The following C8orf34 variants were observed in gnomAD, a reference collection of about 807,000 sequenced individuals.
C8orf34 encodes the protein chromosome 8 open reading frame 34, also known as uncharacterized protein C8orf34.
A neutral mutation model predicts 68.3 loss-of-function variants in C8orf34; 65 were observed. The ratio of observed to expected loss-of-function variants is 0.95; its 90% CI spans 0.78 to 1.17. C8orf34 has a LOEUF of 1.17. Ranked by LOEUF, C8orf34 falls within the 50% of genes most tolerant of loss-of-function variation. The pLI is 0.00. For missense variants in C8orf34, 664 were observed against 655.4 expected, an observed-to-expected ratio of 1.01 and a Z score of -0.14; for synonymous variants, 244 against 241.2, an observed-to-expected ratio of 1.01 and a Z score of -0.11.
At chr8:68,816,351 T>C (rs1034955698) in intron 13 of C8orf34, among the ~76,000 whole-genome samples, 5 of 152,144 alleles carry the variant, frequency 3.3e-5, no homozygotes, top group Non-Finnish European at 5.9e-5. Context: ...CCTGCAGTTA[T>C]AGGATCTCAG....
intron 8 of C8orf34, among the ~76,000 whole-genome samples, chr8:68,689,023 G>T (rs1157783359): frequency 6.6e-6 from 1 of 151,876 alleles, no homozygotes; most frequent in Non-Finnish European, 1.5e-5. Flanking sequence ...CAACAAAAAA[G>T]AAAATGTGGT....
chr8:68,741,825 A>T (rs966236826), intron 10 of C8orf34, among the ~76,000 whole-genome samples: 5 of 152,226 alleles, frequency 3.3e-5, no homozygotes, highest in Non-Finnish European at 4.4e-5. Flanking sequence ...ATAGATGAAT[A>T]GTACTCCATT....
chr8:68,566,284 T>C (rs1389169627), intron 7 of C8orf34, among the ~76,000 whole-genome samples: 2 of 152,136 alleles, frequency 1.3e-5, no homozygotes, highest in Non-Finnish European at 2.9e-5. Flanking sequence ...TACCCAGTAG[T>C]TGTCTTTTCT....
Position 68,697,795 on chromosome 8 carries a change from G to A in C8orf34, c.1242-11199G>A, listed in dbSNP as rs373037874. ...ACTGCTCCAGATTAGGGGAACTTTC[G>A]TCCAATTTAGGAAAGTGATCCCTGC... On this transcript the variant is annotated intron_variant, in intron 8 of 13. Transcript: ENST00000518698. Among the ~76,000 whole-genome samples the A allele has an allele frequency of 2.0e-4, 30 of 152,158 alleles. No homozygotes were observed. The East Asian group carries it at 3.1e-3, about 16-fold the overall frequency.
intron 1 of C8orf34, among the ~76,000 whole-genome samples, chr8:68,353,231 A>C (rs1806590190): frequency 6.6e-6 from 1 of 152,132 alleles, no homozygotes; most frequent in East Asian, 1.9e-4. Context: ...AGGGACAGAA[A>C]ATGTGGCCTT....
intron 7 of C8orf34, among the ~76,000 whole-genome samples, chr8:68,629,206 A>G (rs1035679227): frequency 5.3e-5 from 8 of 151,968 alleles, no homozygotes; most frequent in Non-Finnish European, 8.8e-5. Context: ...TCCATTCCAA[A>G]CTCCTTCACT....
intron 12 of C8orf34, chr8:68,791,148 T>A (rs1281299404): frequency 4.7e-6 from 2 of 424,834 alleles, no homozygotes; most frequent in Non-Finnish European, 8.2e-6. Flanking sequence ...ACTGGGTAAT[T>A]GTAAAGAAAA....
chr8:68,399,592 G>A (rs1471476276), intron 1 of C8orf34, among the ~76,000 whole-genome samples: 1 of 151,946 alleles, frequency 6.6e-6, no homozygotes, highest in Non-Finnish European at 1.5e-5. Flanking sequence ...TTATATTTTT[G>A]CTATTGTGAA....
At chr8:68,773,171 G>A (rs1267042628) in intron 10 of C8orf34, among the ~76,000 whole-genome samples, 3 of 152,116 alleles carry the variant, frequency 2.0e-5, no homozygotes, top group Admixed American at 6.5e-5. Flanking sequence ...CCCAGTGAGA[G>A]GGAGGAGGGA....
rs181548364 is a variant in C8orf34, at chr8:68,463,828, T to C, written c.608-4864T>C. On this transcript the variant is annotated intron_variant, in intron 3 of 13. Coordinates refer to ENST00000518698, the MANE Select transcript of C8orf34 (RefSeq NM_052958.4). ...GAGCTATTTATGACAAACCCACAGCTGATATCATACTGAATGGGCAAAAAC... is the reference window on the plus strand; with the variant it reads ...GAGCTATTTATGACAAACCCACAGCCGATATCATACTGAATGGGCAAAAAC... Among the ~76,000 whole-genome samples, 342 of 152,218 alleles carry C rather than the reference T, an allele frequency of 2.2e-3. 2 individuals are homozygous for C. The highest frequency in any genetic ancestry group is 7.2e-3 in the African/African-American group (300 of 41,528).
intron 8 of C8orf34, among the ~76,000 whole-genome samples, chr8:68,645,172 G>C (rs1819127662): frequency 6.6e-6 from 1 of 152,114 alleles, no homozygotes; most frequent in African/African-American, 2.4e-5. Flanking sequence ...AAATTACCTG[G>C]TATGTCATTT....
intron 12 of C8orf34, among the ~76,000 whole-genome samples, chr8:68,814,708 T>G (rs907591570): frequency 6.6e-6 from 1 of 152,208 alleles, no homozygotes; most frequent in Non-Finnish European, 1.5e-5. Context: ...AAGATAAGAT[T>G]TAAACTCAGT....
chr8:68,433,306 T>G (rs1239398783), intron 1 of C8orf34, among the ~76,000 whole-genome samples: 1 of 152,196 alleles, frequency 6.6e-6, no homozygotes, highest in African/African-American at 2.4e-5. Flanking sequence ...TAACATGCCA[T>G]ATGCTATTAA....
chr8:68,560,928 C>A (rs1420014491), intron 7 of C8orf34, among the ~76,000 whole-genome samples: 1 of 151,656 alleles, frequency 6.6e-6, no homozygotes, highest in African/African-American at 2.4e-5. Context: ...AATAAATTAA[C>A]CTTAGCTTAC....
chr8:68,362,937 A>G (rs1807074216), intron 1 of C8orf34, among the ~76,000 whole-genome samples: 1 of 126,590 alleles, frequency 7.9e-6, no homozygotes. Flanking sequence ...CAGACGATCA[A>G]ATTACTCTGA....
At chr8:68,766,181 A>ATTTT (rs1468628499) in intron 10 of C8orf34, among the ~76,000 whole-genome samples, 1 of 152,244 alleles carries the variant, frequency 6.6e-6, no homozygotes. Flanking sequence ...AGCCAAAAAC[A>ATTTT]TGAGAGACGT....
At chr8:68,613,443 T>TCCCCCCCCCCCCCCCCC (rs141908753) in intron 7 of C8orf34, among the ~76,000 whole-genome samples, 1 of 130,142 alleles carries the variant, frequency 7.7e-6, no homozygotes, top group African/African-American at 2.9e-5. Flanking sequence ...TCCCTCCCCC[T>TCCCCCCCCCCCCCCCCC]CCCCCCACAC....
chr8:68,654,591 A>T (rs890655801), intron 8 of C8orf34, among the ~76,000 whole-genome samples: 5 of 152,202 alleles, frequency 3.3e-5, no homozygotes, highest in African/African-American at 1.2e-4. Context: ...ACCTACAAAT[A>T]CATCGTATAT....
chr8:68,649,580 G>A (rs546323706), intron 8 of C8orf34, among the ~76,000 whole-genome samples: 1 of 152,300 alleles, frequency 6.6e-6, no homozygotes, highest in East Asian at 1.9e-4. Flanking sequence ...GAAGACATGA[G>A]AATAACAAAT....
Sources: allele counts gnomAD v4.1 joint callset (sites outside exome capture counted in the v4.1 genomes callset), GRCh38; gene constraint gnomAD v4.1.1; transcripts MANE v1.5; gene names NCBI Gene and HGNC (gene_info 2026-07-23, HGNC 2026-07-21).